UMAD1: variants seen among roughly 807,000 people sequenced by gnomAD.
The protein encoded by UMAD1 is UBAP1-MVB12-associated (UMA) domain containing 1.
UMAD1 carries 8 observed loss-of-function variants against 6.1 expected under a neutral mutation model. The observed-to-expected ratio is 1.30, with a 90% CI of 0.76 to 2.35. UMAD1 has a LOEUF of 2.35. Among genes scored for constraint, UMAD1 ranks in the 30% most tolerant of loss-of-function variants. The pLI, the probability that UMAD1 is intolerant of heterozygous loss-of-function variation, is 0.00. For missense variants in UMAD1, 130 were observed against 78.4 expected (o/e 1.66, Z -2.49); for synonymous variants, 56 against 31.4 (o/e 1.78, Z -2.61).
At chr7:7,825,730 C>G (rs1042565849) in intron 3 of UMAD1, among the ~76,000 whole-genome samples, 1 of 152,102 alleles carries the variant, frequency 6.6e-6, no homozygotes, top group Non-Finnish European at 1.5e-5. Context: ...ATGCACTTTA[C>G]AGTACCAAGG....
At chr7:7,869,450 T>A (rs1359008150) in intron 3 of UMAD1, among the ~76,000 whole-genome samples, 1 of 152,250 alleles carries the variant, frequency 6.6e-6, no homozygotes, top group Non-Finnish European at 1.5e-5. Context: ...AGCTACCTTC[T>A]TTGCATGTAA....
chr7:7,691,165 T>C (rs11761559), intron 2 of UMAD1, among the ~76,000 whole-genome samples: 12,720 of 152,272 alleles, frequency 0.084, 582 homozygotes, highest in African/African-American at 0.13. Context: ...GATGGAATTT[T>C]AGGTTTTTCA....
chr7:7,752,855 CTCT>C (rs1363562052), intron 2 of UMAD1, among the ~76,000 whole-genome samples: 1 of 152,052 alleles, frequency 6.6e-6, no homozygotes, highest in Non-Finnish European at 1.5e-5. Context: ...CTTCCACTTT[CTCT>C]TCTAATTTTG....
chr7:7,677,742 C>T (rs1218786670), intron 2 of UMAD1, among the ~76,000 whole-genome samples: 3 of 135,922 alleles, frequency 2.2e-5, no homozygotes, highest in East Asian at 2.1e-4. Flanking sequence ...GGCGGGATCT[C>T]GGCTCACTGC....
At chr7:7,803,687 T>G (rs1409222051) in intron 3 of UMAD1, among the ~76,000 whole-genome samples, 1 of 151,660 alleles carries the variant, frequency 6.6e-6, no homozygotes, top group African/African-American at 2.4e-5. Flanking sequence ...CAGATTTGTG[T>G]CTGGTGAGGG....
chr7:7,714,124 C>A (rs1047778091), intron 2 of UMAD1, among the ~76,000 whole-genome samples: 2 of 152,282 alleles, frequency 1.3e-5, no homozygotes, highest in East Asian at 3.9e-4. Flanking sequence ...GTCCTGTGGT[C>A]AGAGAGGGTG....
intron 2 of UMAD1, among the ~76,000 whole-genome samples, chr7:7,755,523 A>G (rs1458187276): frequency 1.3e-5 from 2 of 152,210 alleles, no homozygotes; most frequent in Non-Finnish European, 2.9e-5. Flanking sequence ...GCACTTTTTA[A>G]AAAATCAGTG....
intron 3 of UMAD1, among the ~76,000 whole-genome samples, chr7:7,868,794 T>A (rs1413849493): frequency 6.6e-6 from 1 of 152,174 alleles, no homozygotes; most frequent in Admixed American, 6.5e-5. Flanking sequence ...CCCCCCTAAT[T>A]TCTGTATCAG....
intron 2 of UMAD1, among the ~76,000 whole-genome samples, chr7:7,790,390 C>T (rs1157711737): frequency 1.3e-5 from 2 of 152,196 alleles, no homozygotes; most frequent in African/African-American, 4.8e-5. Context: ...CCCATGCCAG[C>T]CTATGATTTT....
At chr7:7,783,605 A>C (rs1782395437) in intron 2 of UMAD1, among the ~76,000 whole-genome samples, 1 of 152,212 alleles carries the variant, frequency 6.6e-6, no homozygotes, top group South Asian at 2.1e-4. Flanking sequence ...TTAACTACCA[A>C]GATTTGTAGC....
chr7:7,735,543 G>A (rs951070780), intron 2 of UMAD1, among the ~76,000 whole-genome samples: 1 of 151,992 alleles, frequency 6.6e-6, no homozygotes, highest in South Asian at 2.1e-4. Context: ...CCGAGTAGCT[G>A]GAATTACAGG....
chr7:7,691,797 G>A (rs1780178327), intron 2 of UMAD1, among the ~76,000 whole-genome samples: 2 of 152,140 alleles, frequency 1.3e-5, no homozygotes, highest in African/African-American at 4.8e-5. Context: ...TCTGATACAT[G>A]GAGTTCTTTC....
At chr7:7,702,330 A>T (rs1013925192) in intron 2 of UMAD1, among the ~76,000 whole-genome samples, 1 of 152,160 alleles carries the variant, frequency 6.6e-6, no homozygotes, top group African/African-American at 2.4e-5. Flanking sequence ...ACTGACTTTT[A>T]AGGAAAGATG....
chr7:7,816,802 A>C (rs1434000546), intron 3 of UMAD1, among the ~76,000 whole-genome samples: 1 of 152,174 alleles, frequency 6.6e-6, no homozygotes, highest in African/African-American at 2.4e-5. Flanking sequence ...TCCCCACTGC[A>C]ACTACAGTGG....
intron 2 of UMAD1, among the ~76,000 whole-genome samples, chr7:7,797,200 T>C (rs1782703147): frequency 6.6e-6 from 1 of 152,204 alleles, no homozygotes; most frequent in Middle Eastern, 3.4e-3. Context: ...GCCAGACTCT[T>C]AAACAACCAC....
chr7:7,710,078 CTCAG>C (rs1780715182), intron 2 of UMAD1, among the ~76,000 whole-genome samples: 2 of 152,314 alleles, frequency 1.3e-5, no homozygotes, highest in East Asian at 3.9e-4. Context: ...GCCTCTCTCA[CTCAG>C]TATCATGTAT....
chr7:7,760,958 C>G (rs1268031988), intron 2 of UMAD1, among the ~76,000 whole-genome samples: 1 of 152,120 alleles, frequency 6.6e-6, no homozygotes, highest in Non-Finnish European at 1.5e-5. Context: ...TTGCAAGATA[C>G]TATGTGAATC....
At chr7:7,651,320 G>C (rs1303952344) in intron 1 of UMAD1, among the ~76,000 whole-genome samples, 2 of 152,142 alleles carry the variant, frequency 1.3e-5, no homozygotes, top group African/African-American at 4.8e-5. Context: ...GGGTGGGCTT[G>C]GCTTGTCTTT....
At chr7:7,871,301 C>G (rs770247914) in intron 3 of UMAD1, among the ~76,000 whole-genome samples, 1 of 152,142 alleles carries the variant, frequency 6.6e-6, no homozygotes, top group African/African-American at 2.4e-5. Context: ...ATGCTGTACC[C>G]TAAAATTGTT....
Sources: allele counts gnomAD v4.1 joint callset (sites outside exome capture counted in the v4.1 genomes callset), GRCh38; gene constraint gnomAD v4.1.1; transcripts MANE v1.5; gene names NCBI Gene and HGNC (gene_info 2026-07-23, HGNC 2026-07-21).